Variants in FGF12 observed in about 807,000 individuals in gnomAD.
The protein encoded by FGF12 is fibroblast growth factor 12, also known as fibroblast growth factor 12B.
FGF12 carries 14 observed loss-of-function variants against 23.6 expected under a neutral mutation model. The observed-to-expected ratio is 0.59, with a 90% CI of 0.39 to 0.93. FGF12 has a LOEUF of 0.93. Ranked by LOEUF, FGF12 falls within the 40% of genes least tolerant of loss-of-function variation. The pLI is 0.00. For missense variants in FGF12, 175 were observed against 217.8 expected, an observed-to-expected ratio of 0.80 and a Z score of 1.24; for synonymous variants, 62 against 77.3, an observed-to-expected ratio of 0.80 and a Z score of 1.04.
At chr3:192,378,849 C>T (rs773172553) in intron 2 of FGF12, among the ~76,000 whole-genome samples, 6 of 152,018 alleles carry the variant, frequency 3.9e-5, no homozygotes, top group Non-Finnish European at 7.4e-5. Context: ...CAGATTATTT[C>T]GTCACCCAGG....
rs1438427161 is a variant in FGF12 at position 192,167,755 on chromosome 3, ATATATATATATATAAAATTTTTTTT to A, written c.427+2678_427+2702del. Among the ~76,000 whole-genome samples the A allele has an allele frequency of 1.0e-4, 3 of 28,774 alleles. 1 individual carries two copies. The highest frequency in any genetic ancestry group is 8.0e-4 in the Admixed American group (2 of 2,512). The allele number at this position is 28,774 out of a possible 152,430, so 18.9% of individuals were successfully genotyped here. A position where few individuals can be genotyped will look rare whatever the true frequency, so the allele number is the denominator to read the frequency against. Reference sequence around the variant, plus strand: ...GGTATATATATATATATATATATATATATATATATATATAAAATTTTTTTTTTTTTTTTTTTTTGAGAAAGAATCT... The same window carrying A: ...GGTATATATATATATATATATATATATTTTTTTTTTTTTGAGAAAGAATCT... On this transcript the variant is annotated intron_variant, in intron 5 of 5. Transcript: ENST00000445105.
At chr3:192,155,466 A>G (rs1358245841) in intron 5 of FGF12, among the ~76,000 whole-genome samples, 1 of 152,208 alleles carries the variant, frequency 6.6e-6, no homozygotes, top group East Asian at 1.9e-4. Context: ...AAGTACCATA[A>G]TTCTGAATGC....
chr3:192,505,786 AAGG>A (rs1467856747), intron 2 of FGF12, among the ~76,000 whole-genome samples: 3 of 152,198 alleles, frequency 2.0e-5, no homozygotes, highest in African/African-American at 7.2e-5. Context: ...TAAATCTGGG[AAGG>A]AGATTTTATT....
chr3:192,466,207 A>G (rs1200402659), intron 2 of FGF12, among the ~76,000 whole-genome samples: 1 of 152,174 alleles, frequency 6.6e-6, no homozygotes, highest in Non-Finnish European at 1.5e-5. Context: ...AACACAGAAA[A>G]CATACGGTAA....
chr3:192,697,953 C>T (rs917780074), intron 2 of FGF12, among the ~76,000 whole-genome samples: 5 of 151,672 alleles, frequency 3.3e-5, no homozygotes, highest in Admixed American at 1.3e-4. Context: ...TAAATTAATC[C>T]GCTAATGTCT....
intron 4 of FGF12, among the ~76,000 whole-genome samples, chr3:192,236,973 A>T (rs533308502): frequency 1.3e-5 from 2 of 152,232 alleles, no homozygotes; most frequent in African/African-American, 2.4e-5. Flanking sequence ...GCAGGTAATC[A>T]TCTCCTGTGT....
At chr3:192,266,741 C>T (rs979023636) in intron 4 of FGF12, among the ~76,000 whole-genome samples, 11 of 151,798 alleles carry the variant, frequency 7.2e-5, no homozygotes, top group East Asian at 1.9e-4. Flanking sequence ...ATTACTAACC[C>T]GAATGGCTTT....
At chr3:192,657,313 A>G (rs927353086) in intron 2 of FGF12, among the ~76,000 whole-genome samples, 1 of 151,986 alleles carries the variant, frequency 6.6e-6, no homozygotes, top group Non-Finnish European at 1.5e-5. Flanking sequence ...TCACTTCACT[A>G]GATAGTCCCA....
chr3:192,262,416 T>G (rs1410479544), intron 4 of FGF12, among the ~76,000 whole-genome samples: 1 of 152,204 alleles, frequency 6.6e-6, no homozygotes, highest in African/African-American at 2.4e-5. Context: ...TTTTTAGATC[T>G]GACTGCAGAC....
At chr3:192,296,779 T>C (rs1715066469) in intron 4 of FGF12, among the ~76,000 whole-genome samples, 2 of 152,174 alleles carry the variant, frequency 1.3e-5, no homozygotes, top group South Asian at 2.1e-4. Context: ...AATATCAAAT[T>C]TAAAAATAAA....
At chr3:192,211,030 T>C (rs1291292411) in intron 4 of FGF12, among the ~76,000 whole-genome samples, 1 of 152,156 alleles carries the variant, frequency 6.6e-6, no homozygotes, top group African/African-American at 2.4e-5. Flanking sequence ...ATGTCTCATA[T>C]CTCGAAAGGA....
rs1717401319 is a variant in FGF12, at chr3:192,336,126, C to CACAT, written c.125-663_125-662insATGT. ...TGGGAAATACACACACACACACACA[C>CACAT]ACACACACACATATACACACATATA... On this transcript the variant is annotated intron_variant, in intron 3 of 5. Transcript: ENST00000445105. This position sits in a 1 kb window ranked among gnomAD's most constrained non-coding sequence, Gnocchi z 4.3. Among the ~76,000 whole-genome samples, 1 of 151,198 alleles carries CACAT rather than the reference C, an allele frequency of 6.6e-6. No individual in the cohort carries two copies. The highest frequency in any genetic ancestry group is 6.6e-5 in the Admixed American group (1 of 15,128).
Position 192,203,101 on chromosome 3 carries a change from T to C in FGF12, c.229-32445A>G, listed in dbSNP as rs76838541. Among the ~76,000 whole-genome samples the C allele has an allele frequency of 2.9e-3, 443 of 152,088 alleles. 8 individuals carry two copies. In the East Asian group the frequency reaches 0.032, roughly 11 times the overall value. On this transcript the variant is annotated intron_variant, in intron 4 of 5. Transcript: ENST00000445105. ...ACTAGTCAAAGTATTGTTTAGATTT[T>C]TTTTAAAAATGTACTTAAAAGCATT... is the stretch of plus-strand genomic sequence containing the variant.
chr3:192,506,817 G>C (rs962739191), intron 2 of FGF12, among the ~76,000 whole-genome samples: 1 of 151,758 alleles, frequency 6.6e-6, no homozygotes, highest in Non-Finnish European at 1.5e-5. Flanking sequence ...ATGCTGGTCA[G>C]TTGTGTCTAA....
intron 2 of FGF12, among the ~76,000 whole-genome samples, chr3:192,568,561 T>A (rs1384198352): frequency 6.6e-6 from 1 of 152,200 alleles, no homozygotes; most frequent in Non-Finnish European, 1.5e-5. Context: ...ACAGTAAGGC[T>A]TCAGAGAAAT....
At chr3:192,516,303 G>A (rs1469371981) in intron 2 of FGF12, among the ~76,000 whole-genome samples, 1 of 152,188 alleles carries the variant, frequency 6.6e-6, no homozygotes, top group Non-Finnish European at 1.5e-5. Context: ...GAACTCAGCA[G>A]CTCCCTAGGT....
intron 2 of FGF12, among the ~76,000 whole-genome samples, chr3:192,455,479 A>G (rs190096803): frequency 3.3e-5 from 5 of 152,330 alleles, no homozygotes; most frequent in African/African-American, 9.6e-5. Flanking sequence ...AAATGATAAC[A>G]TCATATATTT....
intron 2 of FGF12, among the ~76,000 whole-genome samples, chr3:192,567,994 G>A (rs1712421537): frequency 6.6e-6 from 1 of 151,666 alleles, no homozygotes; most frequent in South Asian, 2.1e-4. Flanking sequence ...CATCATGCCT[G>A]GCTAATTTTT....
At chr3:192,446,919 G>C (rs1260876998) in intron 2 of FGF12, among the ~76,000 whole-genome samples, 2 of 152,124 alleles carry the variant, frequency 1.3e-5, no homozygotes, top group Admixed American at 1.3e-4. Flanking sequence ...ACCATCACGT[G>C]TCCTGTCCTT....
Sources: allele counts gnomAD v4.1 joint callset (sites outside exome capture counted in the v4.1 genomes callset), GRCh38; gene constraint gnomAD v4.1.1; non-coding constraint Gnocchi (gnomAD v3.1); transcripts MANE v1.5; gene names NCBI Gene and HGNC (gene_info 2026-07-23, HGNC 2026-07-21).